Variants in CMTM7 observed in about 807,000 individuals in gnomAD.
CMTM7 encodes CKLF-like MARVEL transmembrane domain-containing protein 7.
In CMTM7, 7 loss-of-function variants were observed where a neutral mutation model predicts 19.3. The observed-to-expected ratio is 0.36, with a 90% CI of 0.21 to 0.68. The LOEUF (loss-of-function observed/expected upper bound fraction) is 0.68. CMTM7 is among the 30% of genes least tolerant of loss of function. The pLI is 0.60. For synonymous variants in CMTM7, 87 were observed against 99.3 expected, an observed-to-expected ratio of 0.88 and a Z score of 0.74; for missense variants, 193 against 232.6, an observed-to-expected ratio of 0.83 and a Z score of 1.11.
chr3:32,400,906 T>G (rs1207270410), intron 1 of CMTM7, among the ~76,000 whole-genome samples: 3 of 152,194 alleles, frequency 2.0e-5, no homozygotes, highest in Admixed American at 1.3e-4. Flanking sequence ...CTGTAAATAC[T>G]TCTTCAGGAT....
chr3:32,452,919 A>ATTTT lies in CMTM7; in HGVS notation c.514+477_514+480dup, dbSNP rs368112448. The stretch of plus-strand genomic sequence containing the variant: ...GTGTGCACCACCATGCCTAATTTCA[A>ATTTT]TTTTTTTTTTTTTTTTTTTTTTTTT... On this transcript the variant is annotated intron_variant, in intron 4 of 4. Coordinates refer to ENST00000334983, the MANE Select transcript of CMTM7 (RefSeq NM_138410.4). 8.2e-4 allele frequency among the ~76,000 whole-genome samples: 29 copies of ATTTT among 35,354 alleles called. 1 individual carries two copies. Among genetic ancestry groups the ATTTT allele is most frequent in the Admixed American group, 4.3e-3 (9 of 2,070 alleles). The allele number at this position is 35,354 out of a possible 152,430, so 23.2% of individuals were successfully genotyped here. A position where few individuals can be genotyped will look rare whatever the true frequency, so the allele number is the denominator to read the frequency against.
chr3:32,411,621 G>A (rs1421429017), intron 1 of CMTM7, among the ~76,000 whole-genome samples: 8 of 152,230 alleles, frequency 5.3e-5, no homozygotes, highest in Admixed American at 6.5e-5. Flanking sequence ...CACTGTCCCC[G>A]CCATCAGTCC....
At chr3:32,430,216 G>A (rs554938893) in intron 1 of CMTM7, among the ~76,000 whole-genome samples, 4 of 152,156 alleles carry the variant, frequency 2.6e-5, no homozygotes, top group South Asian at 2.1e-4. Flanking sequence ...AAGATCCCTC[G>A]TACTTGTTTG....
At chr3:32,441,279 A>T (rs145140490) in intron 1 of CMTM7, among the ~76,000 whole-genome samples, 78 of 152,306 alleles carry the variant, frequency 5.1e-4, no homozygotes, top group African/African-American at 1.6e-3. Flanking sequence ...CCTTATGAAC[A>T]TGGGGATGAT....
In CMTM7 at chr3:32,429,117, G is replaced by A. The variant is rs547089504; in HGVS notation, c.160-12723G>A. On this transcript the variant is annotated intron_variant, in intron 1 of 4. Transcript: ENST00000334983. ...AGCCCCATTGTGTATCACACTGCTCGAATTGCTTATTAAACAGAATTATTA... is the reference window on the plus strand; with the variant it reads ...AGCCCCATTGTGTATCACACTGCTCAAATTGCTTATTAAACAGAATTATTA... Among the ~76,000 whole-genome samples, 40 of 152,224 alleles carry A rather than the reference G, an allele frequency of 2.6e-4. No individual in the cohort carries two copies. In the South Asian group the frequency reaches 5.6e-3, roughly 21 times the overall value.
In CMTM7 at chr3:32,449,631, G is replaced by C; in HGVS notation, c.432+79G>C. ...TTTCTTCCTGATGGGGGAAGAGAAG[G>C]GCTTGGTTTCTGGGGCATTCCCTTC... On this transcript the variant is annotated intron_variant, in intron 3 of 4. Coordinates refer to ENST00000334983, the MANE Select transcript of CMTM7 (RefSeq NM_138410.4). This position sits in a 1 kb window ranked among gnomAD's most constrained non-coding sequence, Gnocchi z 4.5. 8.6e-7 allele frequency: 1 copy of C among 1,157,246 alleles called. No individual in the cohort carries two copies. Among genetic ancestry groups the C allele is most frequent in the East Asian group, 2.3e-5 (1 of 42,666 alleles). 71.7% of individuals were successfully genotyped at this position (1,157,246 alleles called of 1,614,324 possible).
At chr3:32,430,681 ATGTGTGTGTGTGTG>A (rs35054129) in intron 1 of CMTM7, among the ~76,000 whole-genome samples, 1 of 133,932 alleles carries the variant, frequency 7.5e-6, no homozygotes, top group Non-Finnish European at 1.6e-5. Flanking sequence ...CTACATCTGA[ATGTGTGTGTGTGTG>A]TGTGTGTGTG....
intron 1 of CMTM7, among the ~76,000 whole-genome samples, chr3:32,438,856 T>C (rs1029525843): frequency 6.6e-6 from 1 of 152,208 alleles, no homozygotes; most frequent in Non-Finnish European, 1.5e-5. Context: ...TGTGTCACCA[T>C]GAAAAAGAGC....
intron 3 of CMTM7, chr3:32,451,881 G>A (rs939905186): frequency 2.6e-6 from 1 of 379,964 alleles, no homozygotes. Context: ...TGTTTAATAT[G>A]TACAAACGTA....
At chr3:32,404,162 C>CTTTT (rs5847761) in intron 1 of CMTM7, among the ~76,000 whole-genome samples, 1 of 74,692 alleles carries the variant, frequency 1.3e-5, no homozygotes, top group African/African-American at 4.0e-5. Flanking sequence ...CTTTTTTTTT[C>CTTTT]TTTTTTTTTT....
chr3:32,403,789 C>T (rs73827212), intron 1 of CMTM7, among the ~76,000 whole-genome samples: 2,073 of 152,144 alleles, frequency 0.014, 47 homozygotes, highest in African/African-American at 0.047. Flanking sequence ...ATTATTTGGT[C>T]GTACTATATA....
chr3:32,408,177 C>G (rs1341410319), intron 1 of CMTM7, among the ~76,000 whole-genome samples: 2 of 152,182 alleles, frequency 1.3e-5, no homozygotes, highest in Non-Finnish European at 2.9e-5. Flanking sequence ...CCTGCTGATG[C>G]GTTGACTTCA....
intron 1 of CMTM7, among the ~76,000 whole-genome samples, chr3:32,406,423 T>C (rs564612325): frequency 6.6e-6 from 1 of 152,338 alleles, no homozygotes; most frequent in Non-Finnish European, 1.5e-5. Flanking sequence ...GCATGTGTTC[T>C]GAAACTCAGC....
intron 1 of CMTM7, among the ~76,000 whole-genome samples, chr3:32,405,541 A>T (rs1333389017): frequency 2.0e-5 from 3 of 152,160 alleles, no homozygotes; most frequent in Non-Finnish European, 2.9e-5. Flanking sequence ...CCATATCCCT[A>T]TGAGATGTTA....
At position 32,397,142 on chromosome 3, in the gene CMTM7, G is replaced by A. The variant is rs1226328125; in HGVS notation, c.159+5077G>A. On this transcript the variant is annotated intron_variant, in intron 1 of 4. Transcript: ENST00000334983. ...GTGAAGTCAAAGTAGTTTACTAGACGCCACTCAATTACAGAGTAGAGACTC... is the reference window on the plus strand; with the variant it reads ...GTGAAGTCAAAGTAGTTTACTAGACACCACTCAATTACAGAGTAGAGACTC... 5.9e-5 allele frequency among the ~76,000 whole-genome samples: 9 copies of A among 152,222 alleles called. No homozygotes were observed. In the South Asian group the frequency reaches 6.2e-4, roughly 11 times the overall value.
At chr3:32,421,685 T>G (rs1249396455) in intron 1 of CMTM7, among the ~76,000 whole-genome samples, 2 of 152,354 alleles carry the variant, frequency 1.3e-5, no homozygotes, top group African/African-American at 4.8e-5. Context: ...TAAGCTGTCC[T>G]CATATCTTGC....
intron 1 of CMTM7, among the ~76,000 whole-genome samples, chr3:32,436,576 C>T (rs1696601281): frequency 6.6e-6 from 1 of 152,152 alleles, no homozygotes; most frequent in African/African-American, 2.4e-5. Flanking sequence ...GGGTCTGAGG[C>T]TTTTGATGTT....
intron 1 of CMTM7, among the ~76,000 whole-genome samples, chr3:32,396,675 A>T (rs1427667996): frequency 6.6e-6 from 1 of 152,196 alleles, no homozygotes. Context: ...GCATGCAGCC[A>T]CTGGGTGTGG....
At chr3:32,451,983 G>A (rs1012583813) in intron 3 of CMTM7, 20 of 883,124 alleles carry the variant, frequency 2.3e-5, no homozygotes, top group Non-Finnish European at 2.8e-5. Context: ...TGCGAACAAC[G>A]CCACTACACC....
Sources: gnomAD v4.1 joint callset for allele counts (sites outside exome capture counted in the v4.1 genomes callset) on GRCh38, gnomAD v4.1.1 for gene constraint, Gnocchi (gnomAD v3.1) non-coding constraint, MANE v1.5 for transcripts, NCBI Gene and HGNC (gene_info 2026-07-23, HGNC 2026-07-21) for gene names.